Variants in SLC20A1 observed in about 807,000 individuals in gnomAD.
The protein encoded by SLC20A1 is solute carrier family 20 member 1, also known as sodium-dependent phosphate transporter 1.
In SLC20A1, 28 loss-of-function variants were observed where a neutral mutation model predicts 62.7. That is an observed-to-expected ratio of 0.45 (90% CI 0.33 to 0.61). The LOEUF is 0.61. SLC20A1 is among the 20% of genes least tolerant of loss of function. The probability of loss-of-function intolerance (pLI) is 0.02; values close to 1 mark genes in which losing one functional copy is unlikely to be tolerated. For synonymous variants in SLC20A1, 305 were observed against 302.9 expected (o/e 1.01, Z -0.07); for missense variants, 673 against 838.6 (o/e 0.80, Z 2.44).
Position 112,660,497 on chromosome 2 carries a change from G to C in SLC20A1, c.1718G>C (p.Cys573Ser), listed in dbSNP as rs748074438. 6.2e-7 allele frequency: 1 copy of C among 1,614,228 alleles called. No homozygotes were observed. The highest frequency in any genetic ancestry group is 8.5e-7 in the Non-Finnish European group (1 of 1,180,042). ...WLLLYGGVGI[C>S]VGLWVWGRRV... ...CTACTCTATGGTGGTGTTGGTATCT[G>C]TGTTGGTCTGTGGGTTTGGGGAAGA... Residue 573 changes from cysteine (C) to serine (S), a missense_variant, in exon 9 of 11, where the codon TGT becomes TCT. Coordinates refer to ENST00000272542, the MANE Select transcript of SLC20A1 (RefSeq NM_005415.5).
intron 10 of SLC20A1, 121 bp from the exon 11 acceptor site, chr2:112,662,743 T>C: frequency 1.1e-6 from 1 of 940,682 alleles, no homozygotes; most frequent in South Asian, 1.7e-5. Flanking sequence ...TAAACCAGCT[T>C]TCTTGGACTT....
rs1057480958 is a variant in SLC20A1, at chr2:112,663,636, CTG to C, written c.*613_*614del. 1 of 154,844 alleles carries C rather than the reference CTG, an allele frequency of 6.5e-6. No homozygotes were observed. Among genetic ancestry groups the C allele is most frequent in the African/African-American group, 2.4e-5 (1 of 41,378 alleles). 9.6% of individuals were successfully genotyped at this position (154,844 alleles called of 1,614,324 possible). On this transcript the variant is annotated 3_prime_UTR_variant, in exon 11 of 11. Transcript: ENST00000272542. ...AACTTTTTTGCAAGCAGTTTATTGA[CTG>C]TTATTGCTAAGAAGAAGTAAGAAAG... is the stretch of plus-strand genomic sequence containing the variant.
In SLC20A1 at chr2:112,659,773, A is replaced by G. The variant is rs774696878; in HGVS notation, c.1607+11A>G. ...TGGCAATGACGTAAGGTCAGTTGAC[A>G]TTGATCTTAGTGTTGCTAACCCTAT... On this transcript the variant is annotated intron_variant, in intron 8 of 10. Coordinates refer to ENST00000272542, the MANE Select transcript of SLC20A1 (RefSeq NM_005415.5). 4.2e-5 allele frequency: 68 copies of G among 1,602,860 alleles called. No homozygotes were observed. The highest frequency in any genetic ancestry group is 5.7e-5 in the Non-Finnish European group (67 of 1,172,938).
chr2:112,661,762 TG>T (rs1237439875), intron 10 of SLC20A1, among the ~76,000 whole-genome samples: 1 of 152,196 alleles, frequency 6.6e-6, no homozygotes, highest in Non-Finnish European at 1.5e-5. Context: ...TTGGCCAAGC[TG>T]GTCATGAACT....
At position 112,658,873 on chromosome 2, in the gene SLC20A1, A is replaced by G; in HGVS notation, c.827A>G (p.Asn276Ser). The change falls in exon 7 of 11, where the codon AAT (asparagine) becomes AGT (serine). Residue 276 changes from asparagine (N) to serine (S), a missense_variant. Asn to Ser is a conservative substitution (Grantham distance 46). Transcript: ENST00000272542. ...GAAAGCCCCTTAATGGAAAAAAAGA[A>G]TAGCTTGAAAGAAGACCATGAAGAA... ...PSESPLMEKK[N>S]SLKEDHEETK... is the part of the protein sequence containing the mutation. 1 of 1,613,936 alleles carries G rather than the reference A, an allele frequency of 6.2e-7. No individual in the cohort carries two copies. Among genetic ancestry groups the G allele is most frequent in the Non-Finnish European group, 8.5e-7 (1 of 1,179,954 alleles).
chr2:112,656,137 A>G (rs1407214709), intron 5 of SLC20A1, among the ~76,000 whole-genome samples: 1 of 151,998 alleles, frequency 6.6e-6, no homozygotes, highest in Admixed American at 6.6e-5. Flanking sequence ...TTTTTAAGGT[A>G]AGACTTGTAA....
chr2:112,662,737 C>A, intron 10 of SLC20A1, 127 bp from the exon 11 acceptor site: 1 of 872,890 alleles, frequency 1.1e-6, no homozygotes, highest in Non-Finnish European at 1.7e-6. Context: ...CTGTTGTAAA[C>A]CAGCTTTCTT....
At chr2:112,648,276 C>A (rs1516791) in intron 4 of SLC20A1, among the ~76,000 whole-genome samples, 119,416 of 151,896 alleles carry the variant, frequency 0.79, 47,764 homozygotes, top group East Asian at 1. Context: ...GCCCGCCCCC[C>A]AAAAAAACTT....
At chr2:112,662,767 G>T in intron 10 of SLC20A1, 97 bp from the exon 11 acceptor site, 6 of 1,252,350 alleles carry the variant, frequency 4.8e-6, no homozygotes, top group Non-Finnish European at 6.7e-6. Context: ...CTTGTCCAGG[G>T]GTCTGGGGCT....
Position 112,663,332 on chromosome 2 carries a change from T to G in SLC20A1, c.*307T>G. ...GCTTCAATTCCATTATGTTTTAATG[T>G]TGTCTCTGAAGATGACTTGTGATTT... On this transcript the variant is annotated 3_prime_UTR_variant, in exon 11 of 11. Coordinates refer to ENST00000272542, the MANE Select transcript of SLC20A1 (RefSeq NM_005415.5). The G allele has an allele frequency of 2.5e-6, 1 of 396,942 alleles. No individual in the cohort carries two copies. Among genetic ancestry groups the G allele is most frequent in the Non-Finnish European group, 4.9e-6 (1 of 203,904 alleles). The allele number at this position is 396,942 out of a possible 1,614,324, so 24.6% of individuals were successfully genotyped here. A position where few individuals can be genotyped will look rare whatever the true frequency, so the allele number is the denominator to read the frequency against.
rs7571253 is a variant in SLC20A1, at chr2:112,652,436, C to G, written c.562-266C>G. 2,831 of 495,696 alleles carry G rather than the reference C, an allele frequency of 5.7e-3. 62 individuals are homozygous for G. Among genetic ancestry groups the G allele is most frequent in the African/African-American group, 0.05 (2,570 of 51,416 alleles). The allele number at this position is 495,696 out of a possible 1,614,324, so 30.7% of individuals were successfully genotyped here. On this transcript the variant is annotated intron_variant, in intron 4 of 10. Transcript: ENST00000272542. ...TGGGTACCTTAGAATGTGGGTATTGCAATCTTTATTCAGGATGTTATCAGT... is the reference window on the plus strand; with the variant it reads ...TGGGTACCTTAGAATGTGGGTATTGGAATCTTTATTCAGGATGTTATCAGT...
chr2:112,657,276 A>C, intron 6 of SLC20A1, 35 bp downstream of exon 6: 1 of 1,584,980 alleles, frequency 6.3e-7, no homozygotes, highest in Non-Finnish European at 8.6e-7. Context: ...AAGTTTAACT[A>C]CTAATGTTGT....
At chr2:112,653,366 A>T (rs1686491949) in intron 5 of SLC20A1, 2 of 170,868 alleles carry the variant, frequency 1.2e-5, no homozygotes, top group Non-Finnish European at 2.6e-5. Flanking sequence ...GATGACTTTC[A>T]TGTTTGGGAC....
At chr2:112,657,099 A>G in intron 5 of SLC20A1, 23 bp from the exon 6 acceptor site, 2 of 1,613,490 alleles carry the variant, frequency 1.2e-6, no homozygotes, top group Non-Finnish European at 8.5e-7. Context: ...GGGGTTTTCA[A>G]GATGCACCAT....
chr2:112,649,194 C>T (rs1328281206), intron 4 of SLC20A1, among the ~76,000 whole-genome samples: 2 of 152,202 alleles, frequency 1.3e-5, no homozygotes, highest in East Asian at 1.9e-4. Flanking sequence ...CATACCCCCA[C>T]GGTGTTATTG....
At chr2:112,648,925 T>TA (rs373167809) in intron 4 of SLC20A1, among the ~76,000 whole-genome samples, 3 of 152,240 alleles carry the variant, frequency 2.0e-5, no homozygotes, top group Non-Finnish European at 4.4e-5. Context: ...TTGTTTTTTT[T>TA]AGAGTTTTCA....
intron 4 of SLC20A1, chr2:112,651,856 T>TCTGTCTGGAACATTCAGCGCC (rs1406589860): frequency 3.3e-5 from 5 of 152,268 alleles, no homozygotes; most frequent in African/African-American, 1.2e-4. Context: ...TGCTGATATC[T>TCTGTCTGGAACATTCAGCGCC]CTGTCTGGAA....
Position 112,657,152 on chromosome 2 carries a change from G to A in SLC20A1, c.689G>A (p.Gly230Asp), listed in dbSNP as rs1686613329. 6.2e-7 allele frequency: 1 copy of A among 1,613,784 alleles called. No homozygotes were observed. The highest frequency in any genetic ancestry group is 8.5e-7 in the Non-Finnish European group (1 of 1,179,906). ...GGCTTTGACAAACTTCCTCTGTGGG[G>A]TACCATCCTCATCTCGGTGGGATGT... ...LLGFDKLPLW[G>D]TILISVGCAV... The change falls in exon 6 of 11, where the codon GGT becomes GAT. Residue 230 changes from glycine (G) to aspartate (D), a missense_variant. Transcript: ENST00000272542.
At chr2:112,659,156 G>A in intron 7 of SLC20A1, 48 bp from the exon 8 acceptor site, 1 of 1,605,370 alleles carries the variant, frequency 6.2e-7, no homozygotes, top group East Asian at 2.2e-5. Flanking sequence ...TTATTGTTTT[G>A]GATTTGATGC....
Sources: allele counts gnomAD v4.1 joint callset (sites outside exome capture counted in the v4.1 genomes callset), GRCh38; gene constraint gnomAD v4.1.1; transcripts MANE v1.5; gene names NCBI Gene and HGNC (gene_info 2026-07-23, HGNC 2026-07-21).